The following NOVA1 variants were observed in gnomAD, a reference collection of about 807,000 sequenced individuals.
NOVA1 encodes the protein RNA-binding protein Nova-1.
A neutral mutation model predicts 38.0 loss-of-function variants in NOVA1; 7 were observed. The observed-to-expected ratio is 0.18, with a 90% CI of 0.10 to 0.35. The LOEUF is 0.35. Among genes scored for constraint, NOVA1 ranks in the 10% least tolerant of loss-of-function variants. The pLI is 1.00. For synonymous variants in NOVA1, 270 were observed against 232.5 expected, an observed-to-expected ratio of 1.16 and a Z score of -1.47; for missense variants, 460 against 616.0, an observed-to-expected ratio of 0.75 and a Z score of 2.68.
At chr14:26,533,858 G>A (rs1320296016) in intron 2 of NOVA1, among the ~76,000 whole-genome samples, 1 of 152,074 alleles carries the variant, frequency 6.6e-6, no homozygotes, top group African/African-American at 2.4e-5. Context: ...ACAACTCTCT[G>A]AGAACAAGGT....
chr14:26,451,781 A>G (rs192203403), intron 4 of NOVA1, among the ~76,000 whole-genome samples: 5 of 152,342 alleles, frequency 3.3e-5, no homozygotes, highest in Admixed American at 2.0e-4. Flanking sequence ...GACAATGTCT[A>G]TCTTTATATT....
chr14:26,512,241 C>T (rs2138459449), intron 2 of NOVA1, among the ~76,000 whole-genome samples: 1 of 152,284 alleles, frequency 6.6e-6, no homozygotes, highest in East Asian at 1.9e-4. Flanking sequence ...CTTTTAAAAT[C>T]AAGTTTATGA....
Position 26,597,523 on chromosome 14 carries a change from TTTTTTTGCGTTTGGGGTTTCTTAAGG to T in NOVA1, c.-113_-88del. Reference sequence around the variant, plus strand: ...TTCTTTTTTCTTTTTTTTTTTTTTTTTTTTTTGCGTTTGGGGTTTCTTAAGGTTTTTTTTTTTTAATCGGATCAATA... The same window carrying T: ...TTCTTTTTTCTTTTTTTTTTTTTTTTTTTTTTTTTTTTAATCGGATCAATA... On this transcript the variant is annotated 5_prime_UTR_variant, in exon 1 of 5. Coordinates refer to ENST00000539517, the MANE Select transcript of NOVA1 (RefSeq NM_002515.3). 8.6e-7 allele frequency: 1 copy of T among 1,156,184 alleles called. No homozygotes were observed. The allele number at this position is 1,156,184 out of a possible 1,614,324, so 71.6% of individuals were successfully genotyped here. A position where few individuals can be genotyped will look rare whatever the true frequency, so the allele number is the denominator to read the frequency against.
intron 2 of NOVA1, among the ~76,000 whole-genome samples, chr14:26,555,244 T>C (rs1193006559): frequency 6.6e-6 from 1 of 152,126 alleles, no homozygotes; most frequent in Admixed American, 6.5e-5. Context: ...AGGCATTTAA[T>C]AGTTAAATTA....
intron 2 of NOVA1, among the ~76,000 whole-genome samples, chr14:26,575,367 T>C (rs1892777823): frequency 6.6e-6 from 1 of 152,114 alleles, no homozygotes; most frequent in African/African-American, 2.4e-5. Flanking sequence ...ATTTCCAAAA[T>C]AATACATAAG....
At chr14:26,567,569 T>C (rs1216581073) in intron 2 of NOVA1, among the ~76,000 whole-genome samples, 1 of 152,148 alleles carries the variant, frequency 6.6e-6, no homozygotes, top group East Asian at 1.9e-4. Context: ...TTGCTGGAAT[T>C]ATAGGCATGA....
In NOVA1 at chr14:26,443,413, T is replaced by C. The variant is rs1243758738; in HGVS notation, c.*4546A>G. On this transcript the variant is annotated 3_prime_UTR_variant, in exon 5 of 5. Coordinates refer to ENST00000539517, the MANE Select transcript of NOVA1 (RefSeq NM_002515.3). ...TTTACAAATCTGATTTGATGTACTTTATTATACAAGGTAATGCTTCAATTT... is the reference window on the plus strand; with the variant it reads ...TTTACAAATCTGATTTGATGTACTTCATTATACAAGGTAATGCTTCAATTT... 6.6e-6 allele frequency: 1 copy of C among 152,066 alleles called. No individual in the cohort carries two copies. Among genetic ancestry groups the C allele is most frequent in the African/African-American group, 2.4e-5 (1 of 41,452 alleles). The allele number at this position is 152,066 out of a possible 1,614,324, so 9.4% of individuals were successfully genotyped here. A position where few individuals can be genotyped will look rare whatever the true frequency, so the allele number is the denominator to read the frequency against.
chr14:26,519,705 A>G (rs1436742066), intron 2 of NOVA1, among the ~76,000 whole-genome samples: 2 of 152,188 alleles, frequency 1.3e-5, no homozygotes, highest in African/African-American at 4.8e-5. Context: ...GATTTGCATG[A>G]CAATTTCTCT....
At chr14:26,474,980 A>G (rs1884864047) in intron 3 of NOVA1, among the ~76,000 whole-genome samples, 1 of 152,032 alleles carries the variant, frequency 6.6e-6, no homozygotes, top group South Asian at 2.1e-4. Flanking sequence ...TTTAAATACT[A>G]GGAGAAAAAG....
At chr14:26,538,970 T>C (rs984227210) in intron 2 of NOVA1, among the ~76,000 whole-genome samples, 4 of 152,180 alleles carry the variant, frequency 2.6e-5, no homozygotes, top group Non-Finnish European at 5.9e-5. Context: ...TCCTGATGAC[T>C]AGAATGTGAC....
chr14:26,466,811 A>G (rs149975547), intron 4 of NOVA1, among the ~76,000 whole-genome samples: 2 of 152,296 alleles, frequency 1.3e-5, no homozygotes, highest in East Asian at 3.9e-4. Context: ...CTCTTCTGCC[A>G]TGTAGGAACA....
intron 2 of NOVA1, among the ~76,000 whole-genome samples, chr14:26,484,422 C>T (rs1479007421): frequency 4.7e-5 from 5 of 105,266 alleles, no homozygotes; most frequent in African/African-American, 1.6e-4. Context: ...GGCGAGACTC[C>T]GTCTCGAAAA....
intron 2 of NOVA1, among the ~76,000 whole-genome samples, chr14:26,542,980 T>C (rs959362110): frequency 2.0e-5 from 3 of 151,864 alleles, no homozygotes; most frequent in African/African-American, 7.2e-5. Context: ...TAAGAATAAA[T>C]AAACACCACT....
intron 2 of NOVA1, among the ~76,000 whole-genome samples, chr14:26,504,983 T>C (rs892137250): frequency 1.3e-5 from 2 of 150,624 alleles, no homozygotes; most frequent in Admixed American, 6.6e-5. Context: ...TCTCAGGTGG[T>C]GGCAGTGACG....
intron 2 of NOVA1, among the ~76,000 whole-genome samples, chr14:26,516,239 A>G (rs977776844): frequency 2.6e-5 from 4 of 152,058 alleles, no homozygotes; most frequent in Admixed American, 1.3e-4. Flanking sequence ...TTATTGGGTT[A>G]TATTTTTTCC....
chr14:26,476,979 T>G (rs1291658337), intron 3 of NOVA1, among the ~76,000 whole-genome samples: 1 of 152,114 alleles, frequency 6.6e-6, no homozygotes, highest in Non-Finnish European at 1.5e-5. Context: ...TCTCCCAAAG[T>G]GCTGGGATTA....
At chr14:26,481,146 A>C (rs1224543253) in intron 2 of NOVA1, among the ~76,000 whole-genome samples, 1 of 152,098 alleles carries the variant, frequency 6.6e-6, no homozygotes, top group East Asian at 1.9e-4. Flanking sequence ...ATAACACATG[A>C]ACTTGCTTCT....
chr14:26,569,016 G>A (rs1037796483), intron 2 of NOVA1, among the ~76,000 whole-genome samples: 5 of 151,980 alleles, frequency 3.3e-5, no homozygotes, highest in Non-Finnish European at 5.9e-5. Context: ...ACAACTAAAC[G>A]CAAAGCCAAG....
At chr14:26,498,695 G>A (rs1887010914) in intron 2 of NOVA1, among the ~76,000 whole-genome samples, 1 of 152,116 alleles carries the variant, frequency 6.6e-6, no homozygotes, top group South Asian at 2.1e-4. Flanking sequence ...AAGTGAATTT[G>A]TCTGACTACT....
Sources: gnomAD v4.1 joint callset for allele counts (sites outside exome capture counted in the v4.1 genomes callset) on GRCh38, gnomAD v4.1.1 for gene constraint, MANE v1.5 for transcripts, NCBI Gene and HGNC (gene_info 2026-07-23, HGNC 2026-07-21) for gene names.